DNAJC24: variants seen among roughly 807,000 people sequenced by gnomAD.
DNAJC24 encodes dnaJ homolog subfamily C member 24.
DNAJC24 carries 17 observed loss-of-function variants against 18.0 expected under a neutral mutation model. That is an observed-to-expected ratio of 0.94 (90% CI 0.65 to 1.42). The LOEUF (loss-of-function observed/expected upper bound fraction) is 1.42. Among genes scored for constraint, DNAJC24 ranks in the 40% most tolerant of loss-of-function variants. The pLI is 0.00. For synonymous variants in DNAJC24, 55 were observed against 57.7 expected, an observed-to-expected ratio of 0.95 and a Z score of 0.21; for missense variants, 158 against 175.6, an observed-to-expected ratio of 0.90 and a Z score of 0.57.
intron 2 of DNAJC24, among the ~76,000 whole-genome samples, chr11:31,414,392 A>C (rs1952735509): frequency 6.6e-6 from 1 of 152,202 alleles, no homozygotes; most frequent in Non-Finnish European, 1.5e-5. Flanking sequence ...CTAGTGGTCC[A>C]TTTTATAATG....
chr11:31,424,466 C>T, intron 3 of DNAJC24, among the ~76,000 whole-genome samples: 1 of 152,082 alleles, frequency 6.6e-6, no homozygotes, highest in East Asian at 1.9e-4. Flanking sequence ...TTTTTGTCCC[C>T]ACTCATGAAA....
chr11:31,414,363 A>G (rs1952735421), intron 2 of DNAJC24, among the ~76,000 whole-genome samples: 2 of 152,226 alleles, frequency 1.3e-5, no homozygotes, highest in African/African-American at 2.4e-5. Context: ...TTACGATTGT[A>G]TAATTTCATA....
chr11:31,393,593 C>A (rs1952518839), intron 2 of DNAJC24, among the ~76,000 whole-genome samples: 1 of 152,080 alleles, frequency 6.6e-6, no homozygotes, highest in Non-Finnish European at 1.5e-5. Flanking sequence ...TGTGAAGATC[C>A]AGCATAACCC....
intron 2 of DNAJC24, among the ~76,000 whole-genome samples, chr11:31,390,705 TAAA>T (rs34050503): frequency 4.1e-4 from 47 of 114,062 alleles, no homozygotes; most frequent in African/African-American, 1.1e-3. Flanking sequence ...GATTCCATCT[TAAA>T]AAAAAAAAAA....
intron 2 of DNAJC24, among the ~76,000 whole-genome samples, chr11:31,389,860 T>C (rs1952471151): frequency 1.3e-5 from 2 of 152,210 alleles, no homozygotes; most frequent in Admixed American, 1.3e-4. Flanking sequence ...CAAGGAATTT[T>C]GGAAACTATA....
chr11:31,415,154 G>T, intron 3 of DNAJC24: 1 of 469,238 alleles, frequency 2.1e-6, no homozygotes. Flanking sequence ...CTACTAGGAT[G>T]TGGCTTCTTG....
intron 4 of DNAJC24, among the ~76,000 whole-genome samples, chr11:31,428,255 T>C (rs1164541835): frequency 1.3e-5 from 2 of 152,130 alleles, no homozygotes; most frequent in Non-Finnish European, 2.9e-5. Context: ...ATCCCATCCA[T>C]AGCCAATACA....
intron 4 of DNAJC24, chr11:31,429,662 T>C (rs895362085): frequency 1.8e-5 from 4 of 220,586 alleles, no homozygotes; most frequent in Non-Finnish European, 4.0e-5. Context: ...TGTTGGTTCA[T>C]GTATCATTTG....
intron 4 of DNAJC24, 100 bp downstream of exon 4, chr11:31,426,455 A>G: frequency 1.5e-6 from 1 of 669,950 alleles, no homozygotes; most frequent in Non-Finnish European, 2.5e-6. Flanking sequence ...AAAAGAAATA[A>G]TAGTGTGGCT....
intron 2 of DNAJC24, among the ~76,000 whole-genome samples, chr11:31,395,523 G>A (rs932608147): frequency 7.9e-5 from 12 of 152,114 alleles, no homozygotes; most frequent in Non-Finnish European, 1.5e-4. Flanking sequence ...CAGTGTATAA[G>A]CATCCATTAT....
At chr11:31,376,497 T>C (rs576092081) in intron 2 of DNAJC24, among the ~76,000 whole-genome samples, 7 of 152,336 alleles carry the variant, frequency 4.6e-5, no homozygotes, top group African/African-American at 1.7e-4. Flanking sequence ...GCACGTGTAT[T>C]GTACTTAGCA....
At chr11:31,403,699 A>G (rs1952624675) in intron 2 of DNAJC24, among the ~76,000 whole-genome samples, 1 of 152,194 alleles carries the variant, frequency 6.6e-6, no homozygotes, top group African/African-American at 2.4e-5. Context: ...GTGTACCAGC[A>G]GATTCATTTG....
At chr11:31,371,823 T>A (rs1340835186) in intron 2 of DNAJC24, among the ~76,000 whole-genome samples, 8 of 143,362 alleles carry the variant, frequency 5.6e-5, no homozygotes, top group African/African-American at 2.1e-4. Flanking sequence ...ACTTTTTTTT[T>A]TTTTTTTTTT....
intron 2 of DNAJC24, among the ~76,000 whole-genome samples, chr11:31,373,160 T>C (rs1032180473): frequency 7.4e-6 from 1 of 135,228 alleles, no homozygotes; most frequent in African/African-American, 2.5e-5. Context: ...AATGGTGTCT[T>C]TTGATGCAGA....
rs186078798 is a variant in DNAJC24 at position 31,413,391 on chromosome 11, T to A, written c.112-1420T>A. On this transcript the variant is annotated intron_variant, in intron 2 of 4. Transcript: ENST00000465995. The stretch of plus-strand genomic sequence containing the variant: ...TGTCGCCCAGGCTGGAGTGCAGTGG[T>A]GCAATCTCAGCTCACTGCAAGCTCT... 5.5e-5 allele frequency among the ~76,000 whole-genome samples: 8 copies of A among 146,174 alleles called. No individual in the cohort carries two copies. The East Asian group carries it at 1.4e-3, about 26-fold the overall frequency.
At chr11:31,425,715 A>T (rs998036034) in intron 3 of DNAJC24, among the ~76,000 whole-genome samples, 1 of 152,166 alleles carries the variant, frequency 6.6e-6, no homozygotes, top group Non-Finnish European at 1.5e-5. Flanking sequence ...TATGTCCAAG[A>T]ACAGTCAAAT....
chr11:31,389,666 A>G (rs1952468785), intron 2 of DNAJC24, among the ~76,000 whole-genome samples: 1 of 152,226 alleles, frequency 6.6e-6, no homozygotes, highest in Admixed American at 6.5e-5. Flanking sequence ...GACCTACCTG[A>G]TAGATATTTA....
intron 4 of DNAJC24, chr11:31,427,727 G>A (rs965678608): frequency 6.6e-6 from 1 of 151,658 alleles, no homozygotes; most frequent in East Asian, 1.9e-4. Context: ...AGTCGATATG[G>A]GTAATATATT....
intron 2 of DNAJC24, among the ~76,000 whole-genome samples, chr11:31,401,550 C>T (rs928796103): frequency 6.6e-6 from 1 of 151,976 alleles, no homozygotes; most frequent in African/African-American, 2.4e-5. Flanking sequence ...CCCACTTCCT[C>T]CTCTGTTTTT....
Sources: gnomAD v4.1 joint callset for allele counts (sites outside exome capture counted in the v4.1 genomes callset) on GRCh38, gnomAD v4.1.1 for gene constraint, MANE v1.5 for transcripts, NCBI Gene and HGNC (gene_info 2026-07-23, HGNC 2026-07-21) for gene names.